CACNA2D3: variants seen among roughly 807,000 people sequenced by gnomAD.
CACNA2D3 encodes the protein calcium voltage-gated channel auxiliary subunit alpha2delta 3.
CACNA2D3 carries 60 observed loss-of-function variants against 160.6 expected under a neutral mutation model. The ratio of observed to expected loss-of-function variants is 0.37; its 90% CI spans 0.30 to 0.46. The LOEUF (loss-of-function observed/expected upper bound fraction) is 0.46. Ranked by LOEUF, CACNA2D3 falls within the 20% of genes least tolerant of loss-of-function variation. The pLI is 1.00. For missense variants in CACNA2D3, 1,205 were observed against 1,365.0 expected, an observed-to-expected ratio of 0.88 and a Z score of 1.85; for synonymous variants, 558 against 492.9, an observed-to-expected ratio of 1.13 and a Z score of -1.75.
chr3:54,892,003 T>C (rs1700081417), intron 25 of CACNA2D3, among the ~76,000 whole-genome samples: 1 of 152,164 alleles, frequency 6.6e-6, no homozygotes, highest in Non-Finnish European at 1.5e-5. Flanking sequence ...GAGACGTGGA[T>C]AGATGGTGGG....
At chr3:54,506,676 T>C (rs1701376143) in intron 5 of CACNA2D3, among the ~76,000 whole-genome samples, 1 of 152,198 alleles carries the variant, frequency 6.6e-6, no homozygotes, top group Non-Finnish European at 1.5e-5. Context: ...TAGAAATGCA[T>C]CTCAGGGCCC....
chr3:54,727,510 A>G (rs1325376493), intron 11 of CACNA2D3, among the ~76,000 whole-genome samples: 1 of 152,232 alleles, frequency 6.6e-6, no homozygotes, highest in Non-Finnish European at 1.5e-5. Flanking sequence ...ACCAACCCAA[A>G]TGTCTATCAA....
At chr3:54,427,508 A>G (rs940146449) in intron 4 of CACNA2D3, among the ~76,000 whole-genome samples, 1 of 152,346 alleles carries the variant, frequency 6.6e-6, no homozygotes, top group East Asian at 1.9e-4. Flanking sequence ...GCTGGAAGCC[A>G]GAACTACCCT....
At chr3:54,878,881 G>A in intron 18 of CACNA2D3, 137 bp from the exon 19 acceptor site, 1 of 537,066 alleles carries the variant, frequency 1.9e-6, no homozygotes, top group Non-Finnish European at 3.3e-6. Flanking sequence ...GAGCAGTTGG[G>A]TGTTTTATTC....
At chr3:54,470,937 A>C (rs1378885958) in intron 4 of CACNA2D3, among the ~76,000 whole-genome samples, 1 of 152,216 alleles carries the variant, frequency 6.6e-6, no homozygotes, top group African/African-American at 2.4e-5. Context: ...ACCTACAAAG[A>C]GACTTAGACT....
chr3:54,700,521 C>T (rs1202572001), intron 11 of CACNA2D3, among the ~76,000 whole-genome samples: 1 of 152,150 alleles, frequency 6.6e-6, no homozygotes, highest in Non-Finnish European at 1.5e-5. Context: ...ATAATATTTT[C>T]ATCATTGAAT....
chr3:54,969,261 A>ATTTTTTTTTTTT (rs139722160), intron 28 of CACNA2D3, among the ~76,000 whole-genome samples: 2 of 127,838 alleles, frequency 1.6e-5, no homozygotes, highest in Non-Finnish European at 3.3e-5. Flanking sequence ...CATAAAGTAG[A>ATTTTTTTTTTTT]CTTTTTTTTT....
chr3:54,496,230 GT>G, intron 4 of CACNA2D3, among the ~76,000 whole-genome samples: 1 of 152,234 alleles, frequency 6.6e-6, no homozygotes, highest in South Asian at 2.1e-4. Flanking sequence ...GCTGCAAAAT[GT>G]TTTTCCAAAG....
intron 11 of CACNA2D3, among the ~76,000 whole-genome samples, chr3:54,704,636 G>GT (rs1559554042): frequency 6.6e-6 from 1 of 152,172 alleles, no homozygotes; most frequent in African/African-American, 2.4e-5. Context: ...CAGCACAGCT[G>GT]TACGGGGGTG....
chr3:54,767,255 CAG>C (rs1702242649), intron 13 of CACNA2D3, among the ~76,000 whole-genome samples: 2 of 152,018 alleles, frequency 1.3e-5, no homozygotes, highest in Non-Finnish European at 2.9e-5. Context: ...AAAAATTTCT[CAG>C]AAAGGGAGGA....
At chr3:54,693,818 A>C (rs1700609045) in intron 11 of CACNA2D3, among the ~76,000 whole-genome samples, 1 of 152,208 alleles carries the variant, frequency 6.6e-6, no homozygotes, top group South Asian at 2.1e-4. Context: ...AAAATTTTAA[A>C]AGTAGAAAAA....
chr3:54,263,684 C>T (rs1009101117), intron 2 of CACNA2D3, among the ~76,000 whole-genome samples: 1 of 152,160 alleles, frequency 6.6e-6, no homozygotes, highest in Admixed American at 6.5e-5. Context: ...TTTATTGATA[C>T]AGCAAACACA....
chr3:54,722,666 C>G (rs981640994), intron 11 of CACNA2D3, among the ~76,000 whole-genome samples: 2 of 152,174 alleles, frequency 1.3e-5, no homozygotes, highest in Non-Finnish European at 2.9e-5. Flanking sequence ...TGCCGCCCTG[C>G]TGGAGTTTGC....
chr3:54,799,505 T>C (rs1247417384), intron 13 of CACNA2D3, among the ~76,000 whole-genome samples: 1 of 152,198 alleles, frequency 6.6e-6, no homozygotes, highest in African/African-American at 2.4e-5. Flanking sequence ...ACTATACAGA[T>C]TTCTTTGTGG....
intron 6 of CACNA2D3, among the ~76,000 whole-genome samples, chr3:54,567,572 G>A (rs936231611): frequency 2.6e-5 from 4 of 152,150 alleles, no homozygotes; most frequent in African/African-American, 7.2e-5. Flanking sequence ...GTCTTACTCT[G>A]TCTCCCAGGC....
At chr3:54,500,488 TCTTCCTTCCTTCCTATCTTC>T (rs1335523539) in intron 4 of CACNA2D3, among the ~76,000 whole-genome samples, 12 of 150,054 alleles carry the variant, frequency 8.0e-5, no homozygotes, top group African/African-American at 2.7e-4. Context: ...TTCCTTCCTA[TCTTCCTTCCTTCCTATCTTC>T]CTTCCTTCCT....
intron 4 of CACNA2D3, among the ~76,000 whole-genome samples, chr3:54,400,599 A>C (rs571560959): frequency 1.3e-5 from 2 of 152,298 alleles, no homozygotes; most frequent in South Asian, 4.1e-4. Context: ...AAACTCCTAC[A>C]GCCTAGTCTA....
chr3:54,773,670 A>G (rs904882924), intron 13 of CACNA2D3, among the ~76,000 whole-genome samples: 4 of 152,166 alleles, frequency 2.6e-5, no homozygotes, highest in Non-Finnish European at 5.9e-5. Context: ...GAAACAGATT[A>G]CTGTTATGAT....
At position 54,754,896 on chromosome 3, in the gene CACNA2D3, G is replaced by A. The variant is rs113501295; in HGVS notation, c.1246+2219G>A. Among the ~76,000 whole-genome samples the A allele has an allele frequency of 4.9e-3, 741 of 152,270 alleles. 6 individuals carry two copies. The highest frequency in any genetic ancestry group is 0.014 in the Middle Eastern group (4 of 294). On this transcript the variant is annotated intron_variant, in intron 12 of 37. Coordinates refer to ENST00000474759, the MANE Select transcript of CACNA2D3 (RefSeq NM_018398.3). Reference sequence around the variant, plus strand: ...TAAAAAAGGGGGCATTTTGGAGAGAGGGGGGTGACTGAGAACTCTGGTAGG... The same window carrying A: ...TAAAAAAGGGGGCATTTTGGAGAGAAGGGGGTGACTGAGAACTCTGGTAGG...
Sources: gnomAD v4.1 joint callset for allele counts (sites outside exome capture counted in the v4.1 genomes callset) on GRCh38, gnomAD v4.1.1 for gene constraint, MANE v1.5 for transcripts, NCBI Gene and HGNC (gene_info 2026-07-23, HGNC 2026-07-21) for gene names.